Variants in TBC1D15 observed in about 807,000 individuals in gnomAD.
The protein encoded by TBC1D15 is TBC1 domain family member 15.
Under a neutral mutation model 95.4 loss-of-function variants are expected in TBC1D15, and 39 were observed. The ratio of observed to expected loss-of-function variants is 0.41; its 90% CI spans 0.32 to 0.53. The LOEUF is 0.53. Among genes scored for constraint, TBC1D15 ranks in the 20% least tolerant of loss-of-function variants. The pLI is 0.29. For missense variants in TBC1D15, 733 were observed against 794.3 expected (o/e 0.92, Z 0.93); for synonymous variants, 258 against 261.3 (o/e 0.99, Z 0.12).
chr12:71,899,728 A>G (rs1201029432), intron 10 of TBC1D15, among the ~76,000 whole-genome samples: 2 of 152,158 alleles, frequency 1.3e-5, no homozygotes, highest in Non-Finnish European at 2.9e-5. Context: ...CAATCAAAGT[A>G]AGAGTAGGAA....
At chr12:71,909,473 G>A (rs747321333) in intron 11 of TBC1D15, among the ~76,000 whole-genome samples, 1 of 152,152 alleles carries the variant, frequency 6.6e-6, no homozygotes, top group Non-Finnish European at 1.5e-5. Context: ...AGTGAATGCG[G>A]ATACTACAGA....
At chr12:71,864,051 C>A (rs1458025662) in intron 1 of TBC1D15, among the ~76,000 whole-genome samples, 1 of 150,440 alleles carries the variant, frequency 6.6e-6, no homozygotes, top group African/African-American at 2.4e-5. Flanking sequence ...TGTTATGTTC[C>A]CTTGGTGGTG....
rs777113970 is a variant in TBC1D15, at chr12:71,882,951, C to G, written c.344-1860C>G. 5.3e-5 allele frequency among the ~76,000 whole-genome samples: 8 copies of G among 152,068 alleles called. No individual in the cohort carries two copies. In the South Asian group the frequency reaches 6.2e-4, roughly 12 times the overall value. ...TCTCTTCTGTTAATGAGGGAAAAATCTATGTAAAACCTTTACTCTTGAATA... is the reference window on the plus strand; with the variant it reads ...TCTCTTCTGTTAATGAGGGAAAAATGTATGTAAAACCTTTACTCTTGAATA... On this transcript the variant is annotated intron_variant, in intron 4 of 16. Coordinates refer to ENST00000485960, the MANE Select transcript of TBC1D15 (RefSeq NM_001146213.3).
intron 1 of TBC1D15, among the ~76,000 whole-genome samples, chr12:71,859,770 G>A (rs886149606): frequency 1.7e-4 from 26 of 152,040 alleles, no homozygotes; most frequent in Admixed American, 1.6e-3. Flanking sequence ...ACCATGCCCA[G>A]CTGATTTCTT....
chr12:71,915,909 G>A (rs1903597684), intron 12 of TBC1D15, among the ~76,000 whole-genome samples: 1 of 152,038 alleles, frequency 6.6e-6, no homozygotes, highest in Non-Finnish European at 1.5e-5. Flanking sequence ...CCCTAAATCT[G>A]TGCTGCTGTT....
Position 71,897,903 on chromosome 12 carries a change from A to G in TBC1D15, c.1145A>G (p.Lys382Arg). 2.5e-6 allele frequency: 4 copies of G among 1,612,846 alleles called. No homozygotes were observed. The highest frequency in any genetic ancestry group is 3.4e-6 in the Non-Finnish European group (4 of 1,179,152). The change falls in exon 10 of 17, where the codon AAA becomes AGA. Residue 382 changes from lysine (K) to arginine (R), a missense_variant. Coordinates refer to ENST00000485960, the MANE Select transcript of TBC1D15 (RefSeq NM_001146213.3). ...AAATCCATCAGCCAGGAACAAGAGAAAAGAAATTCGAGGTTAAGAGATTAT... is the reference window on the plus strand; with the variant it reads ...AAATCCATCAGCCAGGAACAAGAGAGAAGAAATTCGAGGTTAAGAGATTAT... ...QWKSISQEQE[K>R]RNSRLRDYRS...
chr12:71,871,658 G>C (rs1222688193), intron 1 of TBC1D15, among the ~76,000 whole-genome samples: 1 of 152,214 alleles, frequency 6.6e-6, no homozygotes, highest in East Asian at 1.9e-4. Flanking sequence ...AACAGGTGCA[G>C]TCATAGCACC....
At position 71,896,223 on chromosome 12, in the gene TBC1D15, T is replaced by C. The variant is rs372157854; in HGVS notation, c.984+148T>C. On this transcript the variant is annotated intron_variant, in intron 8 of 16. Coordinates refer to ENST00000485960, the MANE Select transcript of TBC1D15 (RefSeq NM_001146213.3). The stretch of plus-strand genomic sequence containing the variant: ...AAGTAGGGAGGAATGAACTCTGTTA[T>C]TTCTTTGATGAATGATGCCTTAAAA... 6.1e-4 allele frequency: 425 copies of C among 695,216 alleles called. 2 individuals carry two copies. The African/African-American group carries it at 7.1e-3, about 12-fold the overall frequency. The allele number at this position is 695,216 out of a possible 1,614,324, so 43.1% of individuals were successfully genotyped here.
intron 1 of TBC1D15, among the ~76,000 whole-genome samples, chr12:71,855,601 G>C (rs1470702572): frequency 7.0e-6 from 1 of 142,516 alleles, no homozygotes; most frequent in Non-Finnish European, 1.5e-5. Flanking sequence ...CCGGGAGGCA[G>C]AGCTTGCAGT....
At chr12:71,892,146 G>A (rs1165294574) in intron 5 of TBC1D15, among the ~76,000 whole-genome samples, 2 of 151,982 alleles carry the variant, frequency 1.3e-5, no homozygotes, top group Admixed American at 6.6e-5. Flanking sequence ...GTTTTAAAAT[G>A]TATTTTTTTT....
intron 11 of TBC1D15, among the ~76,000 whole-genome samples, chr12:71,911,850 C>T (rs1403704434): frequency 1.3e-5 from 2 of 152,062 alleles, no homozygotes; most frequent in African/African-American, 4.8e-5. Flanking sequence ...TGACAACTTG[C>T]TTCAGCTAAG....
chr12:71,913,578 C>A, intron 11 of TBC1D15: 1 of 362,894 alleles, frequency 2.8e-6, no homozygotes, highest in Non-Finnish European at 4.9e-6. Context: ...AGTGTATCTG[C>A]ACTGAGACAC....
At chr12:71,864,839 A>G (rs1386674035) in intron 1 of TBC1D15, among the ~76,000 whole-genome samples, 1 of 152,158 alleles carries the variant, frequency 6.6e-6, no homozygotes, top group African/African-American at 2.4e-5. Flanking sequence ...TTGGTTGAGA[A>G]GGGTGTAGTG....
At chr12:71,882,773 T>C (rs1895466449) in intron 4 of TBC1D15, among the ~76,000 whole-genome samples, 1 of 152,214 alleles carries the variant, frequency 6.6e-6, no homozygotes. Flanking sequence ...ACTGAGGATA[T>C]GGCTGTGAAC....
At chr12:71,875,662 G>T (rs1312409734) in intron 3 of TBC1D15, among the ~76,000 whole-genome samples, 2 of 151,574 alleles carry the variant, frequency 1.3e-5, no homozygotes, top group African/African-American at 4.9e-5. Flanking sequence ...TAATTTTTGT[G>T]TATGATGTAA....
chr12:71,901,171 C>T (rs1440541240), intron 10 of TBC1D15, among the ~76,000 whole-genome samples: 1 of 152,096 alleles, frequency 6.6e-6, no homozygotes, highest in African/African-American at 2.4e-5. Flanking sequence ...CATGCACGCA[C>T]CATCACACCC....
chr12:71,885,450 T>G (rs926239848), intron 5 of TBC1D15, among the ~76,000 whole-genome samples: 4 of 152,226 alleles, frequency 2.6e-5, no homozygotes, highest in African/African-American at 9.7e-5. Flanking sequence ...GCCTTACCAC[T>G]TTCCAAAAAT....
At chr12:71,910,601 A>G (rs1049706616) in intron 11 of TBC1D15, among the ~76,000 whole-genome samples, 5 of 151,834 alleles carry the variant, frequency 3.3e-5, no homozygotes, top group East Asian at 1.9e-4. Flanking sequence ...TGGATTCCTA[A>G]GTATTTTATT....
At chr12:71,880,696 A>G (rs994729063) in intron 4 of TBC1D15, 89 bp downstream of exon 4, 2 of 1,358,350 alleles carry the variant, frequency 1.5e-6, no homozygotes, top group Non-Finnish European at 2.0e-6. Context: ...AATGCTCCTC[A>G]GTGAGAAGGA....
Sources: allele counts gnomAD v4.1 joint callset (sites outside exome capture counted in the v4.1 genomes callset), GRCh38; gene constraint gnomAD v4.1.1; transcripts MANE v1.5; gene names NCBI Gene and HGNC (gene_info 2026-07-23, HGNC 2026-07-21).